CYP27C1: variants seen among roughly 807,000 people sequenced by gnomAD.
The protein encoded by CYP27C1 is cytochrome P450 27C1.
CYP27C1 carries 29 observed loss-of-function variants against 40.6 expected under a neutral mutation model. That is an observed-to-expected ratio of 0.71 (90% CI 0.53 to 0.97). The LOEUF is 0.97. Among genes scored for constraint, CYP27C1 ranks in the 50% least tolerant of loss-of-function variants. The pLI, the probability that CYP27C1 is intolerant of heterozygous loss-of-function variation, is 0.00. For synonymous variants in CYP27C1, 198 were observed against 186.8 expected (o/e 1.06, Z -0.49); for missense variants, 390 against 485.8 (o/e 0.80, Z 1.85).
chr2:127,199,083 G>A (rs1394045660), intron 5 of CYP27C1, among the ~76,000 whole-genome samples: 2 of 152,110 alleles, frequency 1.3e-5, no homozygotes, highest in African/African-American at 2.4e-5. Context: ...CCGGGAGTTC[G>A]AGACCAGCCT....
intron 4 of CYP27C1, 105 bp from the exon 5 acceptor site, chr2:127,199,644 G>A: frequency 8.0e-7 from 1 of 1,257,800 alleles, no homozygotes; most frequent in Non-Finnish European, 1.1e-6. Flanking sequence ...CCAGTGGCAG[G>A]TGACAGAGGG....
chr2:127,206,637 C>T (rs1683234607), intron 1 of CYP27C1, among the ~76,000 whole-genome samples: 1 of 152,092 alleles, frequency 6.6e-6, no homozygotes, highest in Non-Finnish European at 1.5e-5. Context: ...TTAAAACTAC[C>T]TTAGCTGTGT....
chr2:127,202,634 A>G (rs897414786), intron 3 of CYP27C1, among the ~76,000 whole-genome samples: 3 of 152,176 alleles, frequency 2.0e-5, no homozygotes, highest in African/African-American at 4.8e-5. Flanking sequence ...TGGTATTGCT[A>G]TTTGAACAGG....
rs1362796823 is a variant in CYP27C1, at chr2:127,209,065, G to A, written c.283-2975C>T. ...CAACTGGGTGAGACCCTCCAATAGG[G>A]GTTGTCAGATACCCTATACAGAAGC... On this transcript the variant is annotated intron_variant, in intron 1 of 8. Transcript: ENST00000664447. The surrounding 1 kb of genome is among the most constrained non-coding windows in gnomAD (Gnocchi z 4.1). Among the ~76,000 whole-genome samples the A allele has an allele frequency of 6.6e-6, 1 of 152,132 alleles. No individual in the cohort carries two copies. The highest frequency in any genetic ancestry group is 1.5e-5 in the Non-Finnish European group (1 of 68,026).
chr2:127,187,772 G>A (rs1008481035), intron 8 of CYP27C1, among the ~76,000 whole-genome samples: 4 of 152,114 alleles, frequency 2.6e-5, no homozygotes, highest in Non-Finnish European at 4.4e-5. Context: ...GTGAAATTCC[G>A]GGTTTCCTGC....
chr2:127,192,995 CA>C, intron 8 of CYP27C1, 98 bp downstream of exon 8: 1 of 1,469,372 alleles, frequency 6.8e-7, no homozygotes. Context: ...CTTAAGTTTC[CA>C]AAACCGTCTT....
rs767889330 is a variant in CYP27C1 at position 127,193,138 on chromosome 2, C to T, written c.1453G>A (p.Gly485Arg). ...PFGHGVRSCI[G>R]RRIAELEIHL... ...ATCTCCAGTTCTGCAATTCTCCGCCCTATGCAGCTGCGAACCCCATGACCA... is the reference window on the plus strand; with the variant it reads ...ATCTCCAGTTCTGCAATTCTCCGCCTTATGCAGCTGCGAACCCCATGACCA... Residue 485 changes from glycine to arginine, a missense_variant, in exon 8 of 9, where the codon GGG becomes AGG. Transcript: ENST00000664447. The T allele has an allele frequency of 3.1e-6, 5 of 1,614,220 alleles. No individual in the cohort carries two copies. Among genetic ancestry groups the T allele is most frequent in the Non-Finnish European group, 4.2e-6 (5 of 1,180,046 alleles).
intron 7 of CYP27C1, among the ~76,000 whole-genome samples, 172 bp from the exon 8 acceptor site, chr2:127,193,469 C>T (rs1682831213): frequency 6.6e-6 from 1 of 152,194 alleles, no homozygotes; most frequent in Non-Finnish European, 1.5e-5. Context: ...CCACACTGCA[C>T]CCCAAATGTC....
chr2:127,190,332 TTTTTTTTTTC>T (rs1246000503), intron 8 of CYP27C1, among the ~76,000 whole-genome samples: 7 of 42,214 alleles, frequency 1.7e-4, no homozygotes, highest in African/African-American at 5.7e-4. Flanking sequence ...GTGGCTTCTC[TTTTTTTTTTC>T]TTTTTTTTTT....
intron 5 of CYP27C1, among the ~76,000 whole-genome samples, chr2:127,198,781 G>A (rs1477005053): frequency 6.6e-6 from 1 of 152,200 alleles, no homozygotes. Context: ...TGCAGCCTAG[G>A]TATGTGGTAG....
chr2:127,211,207 C>A (rs1683328565), intron 1 of CYP27C1, among the ~76,000 whole-genome samples: 1 of 152,126 alleles, frequency 6.6e-6, no homozygotes, highest in Admixed American at 6.5e-5. Context: ...AAGAAACTCA[C>A]TCAAAAGCAC....
At chr2:127,215,262 T>A (rs1683410301) in intron 1 of CYP27C1, among the ~76,000 whole-genome samples, 1 of 152,150 alleles carries the variant, frequency 6.6e-6, no homozygotes, top group Non-Finnish European at 1.5e-5. Flanking sequence ...CCAAGATCTT[T>A]CAATAGGAAA....
Position 127,196,167 on chromosome 2 carries a change from A to G in CYP27C1, c.1048-666T>C, listed in dbSNP as rs528160046. ...AAGCTCTGCCTCCCGGGTTCATGCC[A>G]TTCTCCTGCCTCAGCCTCCCGAGTA... On this transcript the variant is annotated intron_variant, in intron 5 of 8. Coordinates refer to ENST00000664447, the MANE Select transcript of CYP27C1 (RefSeq NM_001367502.1). The surrounding 1 kb of genome is among the most constrained non-coding windows in gnomAD (Gnocchi z 4.5). Among the ~76,000 whole-genome samples, 36 of 150,736 alleles carry G rather than the reference A, an allele frequency of 2.4e-4. No individual in the cohort carries two copies. The highest frequency in any genetic ancestry group is 2.1e-3 in the Admixed American group (32 of 15,096).
Position 127,185,698 on chromosome 2 carries a change from C to T in CYP27C1, c.*1573G>A, listed in dbSNP as rs1483789326. ...GTGAAATGGATATTATGTCTATTTACTTAAGGGTTATTTTGCAGAGTGACT... is the reference window on the plus strand; with the variant it reads ...GTGAAATGGATATTATGTCTATTTATTTAAGGGTTATTTTGCAGAGTGACT... On this transcript the variant is annotated 3_prime_UTR_variant, in exon 9 of 9. Coordinates refer to ENST00000664447, the MANE Select transcript of CYP27C1 (RefSeq NM_001367502.1). This position sits in a 1 kb window ranked among gnomAD's most constrained non-coding sequence, Gnocchi z 4.9. 6.6e-6 allele frequency: 1 copy of T among 151,948 alleles called. No homozygotes were observed. Among genetic ancestry groups the T allele is most frequent in the Non-Finnish European group, 1.5e-5 (1 of 68,004 alleles). The allele number at this position is 151,948 out of a possible 1,614,324, so 9.4% of individuals were successfully genotyped here. A position where few individuals can be genotyped will look rare whatever the true frequency, so the allele number is the denominator to read the frequency against.
In CYP27C1 at chr2:127,200,535, G is replaced by T. The variant is rs1683008785; in HGVS notation, c.883+587C>A. Among the ~76,000 whole-genome samples the T allele has an allele frequency of 6.6e-6, 1 of 152,146 alleles. No homozygotes were observed. Among genetic ancestry groups the T allele is most frequent in the African/African-American group, 2.4e-5 (1 of 41,410 alleles). The stretch of plus-strand genomic sequence containing the variant: ...CACTGACCAATTTATTTGGAGTAAA[G>T]ACATCATCTTGCATGGACATTTACT... On this transcript the variant is annotated intron_variant, in intron 4 of 8. Coordinates refer to ENST00000664447, the MANE Select transcript of CYP27C1 (RefSeq NM_001367502.1). This position sits in a 1 kb window ranked among gnomAD's most constrained non-coding sequence, Gnocchi z 4.2.
At chr2:127,198,186 T>TACACACACACACACACACACACAC (rs3033450) in intron 5 of CYP27C1, among the ~76,000 whole-genome samples, 1 of 148,072 alleles carries the variant, frequency 6.8e-6, no homozygotes, top group Non-Finnish European at 1.5e-5. Context: ...AATTTGTTGA[T>TACACACACACACACACACACACAC]ACACACACAC....
At position 127,219,443 on chromosome 2, in the gene CYP27C1, T is replaced by C. The variant is rs1394958735; in HGVS notation, c.282+546A>G. Among the ~76,000 whole-genome samples the C allele has an allele frequency of 6.6e-6, 1 of 151,658 alleles. No individual in the cohort carries two copies. Among genetic ancestry groups the C allele is most frequent in the Non-Finnish European group, 1.5e-5 (1 of 67,890 alleles). On this transcript the variant is annotated intron_variant, in intron 1 of 8. Coordinates refer to ENST00000664447, the MANE Select transcript of CYP27C1 (RefSeq NM_001367502.1). This position sits in a 1 kb window ranked among gnomAD's most constrained non-coding sequence, Gnocchi z 8.7. Reference sequence around the variant, plus strand: ...CCAGGTTCCCCAACCAGGCAATCCCTGCCTGGGTCCCTCCCCGGGACCAGT... The same window carrying C: ...CCAGGTTCCCCAACCAGGCAATCCCCGCCTGGGTCCCTCCCCGGGACCAGT...
Position 127,184,280 on chromosome 2 carries a change from C to A in CYP27C1, c.*2991G>T, listed in dbSNP as rs1682567270. The A allele has an allele frequency of 6.6e-6, 1 of 152,028 alleles. No homozygotes were observed. Among genetic ancestry groups the A allele is most frequent in the Non-Finnish European group, 1.5e-5 (1 of 67,980 alleles). The allele number at this position is 152,028 out of a possible 1,614,324, so 9.4% of individuals were successfully genotyped here. A position where few individuals can be genotyped will look rare whatever the true frequency, so the allele number is the denominator to read the frequency against. ...TTTATTTTATTTTTAAAAATTATCT[C>A]TTAAATGTCTTTTTACAAGTGGTTT... On this transcript the variant is annotated 3_prime_UTR_variant, in exon 9 of 9. Coordinates refer to ENST00000664447, the MANE Select transcript of CYP27C1 (RefSeq NM_001367502.1).
chr2:127,216,484 A>C (rs1274397954), intron 1 of CYP27C1, among the ~76,000 whole-genome samples: 1 of 152,230 alleles, frequency 6.6e-6, no homozygotes, highest in Non-Finnish European at 1.5e-5. Context: ...CACTTATGAC[A>C]TGTCCAGAAT....
Sources: allele counts gnomAD v4.1 joint callset (sites outside exome capture counted in the v4.1 genomes callset), GRCh38; gene constraint gnomAD v4.1.1; non-coding constraint Gnocchi (gnomAD v3.1); transcripts MANE v1.5; gene names NCBI Gene and HGNC (gene_info 2026-07-23, HGNC 2026-07-21).